Variants in TENM1 observed in about 807,000 individuals in gnomAD.
The protein encoded by TENM1 is teneurin transmembrane protein 1.
In TENM1, 35 loss-of-function variants were observed where a neutral mutation model predicts 174.8. The ratio of observed to expected loss-of-function variants is 0.20; its 90% CI spans 0.15 to 0.27. The LOEUF (loss-of-function observed/expected upper bound fraction) is 0.27. Among genes scored for constraint, TENM1 ranks in the 10% least tolerant of loss-of-function variants. The probability of loss-of-function intolerance (pLI) is 1.00; values close to 1 mark genes in which losing one functional copy is unlikely to be tolerated. For synonymous variants in TENM1, 781 were observed against 798.7 expected, an observed-to-expected ratio of 0.98 and a Z score of 0.37; for missense variants, 1,633 against 2,130.1, an observed-to-expected ratio of 0.77 and a Z score of 4.59.
rs978686364 is a variant in TENM1, at chrX:124,790,036, G to A, written c.536-52839C>T. Among the ~76,000 whole-genome samples the A allele has an allele frequency of 2.7e-5, 3 of 111,869 alleles. No individual in the cohort carries two copies. In the Admixed American group the frequency reaches 2.8e-4, roughly 11 times the overall value. On this transcript the variant is annotated intron_variant, in intron 3 of 31. Coordinates refer to ENST00000422452, the Ensembl canonical transcript of TENM1. ...AGAAGGCCTTATAATCATAGCAGAA[G>A]GCAAGGAGGAGCAAGTCACATCTTA...
chrX:124,584,683 C>T (rs1274242704), intron 11 of TENM1, among the ~76,000 whole-genome samples: 1 of 110,765 alleles, frequency 9.0e-6, no homozygotes, highest in Non-Finnish European at 1.9e-5. Context: ...TCACACATAA[C>T]AATATTAACC....
the TENM1 span, among the ~76,000 whole-genome samples, chrX:125,056,472 A>G: frequency 1.8e-5 from 2 of 111,604 alleles, no homozygotes; most frequent in Non-Finnish European, 3.8e-5. Flanking sequence ...TAATGAAAGA[A>G]AGAGCCATTG....
intron 18 of TENM1, among the ~76,000 whole-genome samples, chrX:124,505,456 T>G (rs1341143328): frequency 3.6e-5 from 4 of 111,637 alleles, no homozygotes; most frequent in Admixed American, 1.9e-4. Context: ...AAATCAATAC[T>G]GTCTACAGTC....
At chrX:124,506,565 C>T (rs371799903) in intron 18 of TENM1, among the ~76,000 whole-genome samples, 1 of 112,010 alleles carries the variant, frequency 8.9e-6, no homozygotes, top group East Asian at 2.8e-4. Context: ...GCTCTATGAG[C>T]TAATGAAGTT....
chrX:124,921,717 G>C (rs1023646858), intron 1 of TENM1, among the ~76,000 whole-genome samples: 2 of 110,592 alleles, frequency 1.8e-5, no homozygotes, highest in African/African-American at 6.6e-5. Context: ...CCTGTGTTTT[G>C]TTGGGATAGT....
chrX:124,408,597 C>G (rs757598941), intron 25 of TENM1, among the ~76,000 whole-genome samples: 14 of 111,679 alleles, frequency 1.3e-4, no homozygotes, highest in African/African-American at 4.6e-4. Flanking sequence ...CATGAGGCAC[C>G]AGCAACTTTG....
chrX:124,933,089 T>C (rs1297538230), intron 1 of TENM1, among the ~76,000 whole-genome samples: 1 of 111,794 alleles, frequency 8.9e-6, no homozygotes, highest in Non-Finnish European at 1.9e-5. Flanking sequence ...TAAAACCAAA[T>C]CCTCCAACTC....
In TENM1 at chrX:124,765,656, C is replaced by T. The variant is rs139712504; in HGVS notation, c.536-28459G>A. Among the ~76,000 whole-genome samples the T allele has an allele frequency of 8.9e-5, 10 of 112,361 alleles. No individual in the cohort carries two copies. The East Asian group carries it at 1.4e-3, about 16-fold the overall frequency. On this transcript the variant is annotated intron_variant, in intron 3 of 31. Transcript: ENST00000422452. ...TCTTCCTATTAGTGTTCTGCAAATG[C>T]GTTTATGACACGTCTTTGCCAAAGG...
At chrX:125,200,558 A>G in the TENM1 span, among the ~76,000 whole-genome samples, 1 of 109,997 alleles carries the variant, frequency 9.1e-6, no homozygotes, top group Non-Finnish European at 1.9e-5. Flanking sequence ...AATTTAACAA[A>G]TATATATAAT....
the TENM1 span, among the ~76,000 whole-genome samples, chrX:125,116,782 C>A: frequency 9.0e-6 from 1 of 111,599 alleles, no homozygotes; most frequent in African/African-American, 3.3e-5. Flanking sequence ...GAGGCCAATG[C>A]GGGTGGATCT....
At chrX:124,534,147 C>T (rs1016168143) in intron 15 of TENM1, among the ~76,000 whole-genome samples, 1 of 111,992 alleles carries the variant, frequency 8.9e-6, no homozygotes, top group East Asian at 2.8e-4. Flanking sequence ...ATTGCTTCTC[C>T]ACTTTAACTA....
At chrX:124,471,591 T>C (rs1220283781) in intron 22 of TENM1, among the ~76,000 whole-genome samples, 3 of 77,531 alleles carry the variant, frequency 3.9e-5, no homozygotes, top group African/African-American at 1.6e-4. Flanking sequence ...TATATAATTA[T>C]ATAATATAGA....
the TENM1 span, among the ~76,000 whole-genome samples, chrX:125,146,860 A>G: frequency 0.43 from 47,588 of 109,969 alleles, 7,643 homozygotes; most frequent in Middle Eastern, 0.5. Flanking sequence ...CCACCTACCA[A>G]GAATATGACC....
chrX:124,909,513 C>T (rs2057802743), intron 1 of TENM1, among the ~76,000 whole-genome samples: 1 of 112,055 alleles, frequency 8.9e-6, no homozygotes, highest in African/African-American at 3.2e-5. Flanking sequence ...AAAATAGACC[C>T]TTAAACTATG....
exon 18 of TENM1, chrX:124,520,743 C>T (rs1266532574): frequency 7.5e-6 from 9 of 1,200,500 alleles, no homozygotes; most frequent in Non-Finnish European, 1.0e-5. Context: ...GGTAACTCAG[C>T]CTCACAAAGC....
chrX:124,902,862 G>A (rs1016365556), intron 1 of TENM1, among the ~76,000 whole-genome samples: 51 of 112,516 alleles, frequency 4.5e-4, no homozygotes, highest in African/African-American at 1.6e-3. Context: ...AATGTACAGT[G>A]CTATACTAGG....
exon 30 of TENM1, chrX:124,383,872 A>G: frequency 1.7e-6 from 2 of 1,211,695 alleles, no homozygotes; most frequent in South Asian, 3.5e-5. Context: ...AAGTGTCATG[A>G]TAGATATCGC....
chrX:124,913,860 T>C (rs2057877047), intron 1 of TENM1, among the ~76,000 whole-genome samples: 1 of 112,134 alleles, frequency 8.9e-6, no homozygotes, highest in African/African-American at 3.2e-5. Context: ...AAAGTAATAA[T>C]AGTCATAACA....
the TENM1 span, among the ~76,000 whole-genome samples, chrX:125,100,656 A>G: frequency 1.8e-5 from 2 of 111,785 alleles, no homozygotes; most frequent in Non-Finnish European, 1.9e-5. Flanking sequence ...AGCTAAAACT[A>G]CGTTTTTGTT....
Sources: allele counts gnomAD v4.1 joint callset (sites outside exome capture counted in the v4.1 genomes callset), GRCh38; gene constraint gnomAD v4.1.1; transcripts MANE v1.5; gene names NCBI Gene and HGNC (gene_info 2026-07-23, HGNC 2026-07-21).